The following ASAP1 variants were observed in gnomAD, a reference collection of about 807,000 sequenced individuals.
ASAP1 encodes ArfGAP with SH3 domain, ankyrin repeat and PH domain 1, also known as arf-GAP with SH3 domain, ANK repeat and PH domain-containing protein 1.
ASAP1 carries 43 observed loss-of-function variants against 145.2 expected under a neutral mutation model. The observed-to-expected ratio is 0.30, with a 90% CI of 0.23 to 0.38. The LOEUF (loss-of-function observed/expected upper bound fraction) is 0.38, where lower values mean the gene tolerates loss of function less well. Among genes scored for constraint, ASAP1 ranks in the 10% least tolerant of loss-of-function variants. ASAP1 has a pLI of 1.00. For synonymous variants in ASAP1, 546 were observed against 515.5 expected (o/e 1.06, Z -0.80); for missense variants, 1,018 against 1,355.3 (o/e 0.75, Z 3.91).
chr8:130,214,446 T>G (rs956258967), intron 5 of ASAP1, 110 bp downstream of exon 5: 1 of 1,119,512 alleles, frequency 8.9e-7, no homozygotes, highest in African/African-American at 1.6e-5. Context: ...TTTTTCTTTC[T>G]CACCCCTAGG....
At chr8:130,243,525 T>C (rs1232636647) in intron 3 of ASAP1, among the ~76,000 whole-genome samples, 1 of 152,150 alleles carries the variant, frequency 6.6e-6, no homozygotes, top group African/African-American at 2.4e-5. Context: ...CGCTACTGCC[T>C]GCAAGGCCCT....
At chr8:130,211,566 TAAC>T (rs1212372478) in intron 5 of ASAP1, among the ~76,000 whole-genome samples, 4 of 152,192 alleles carry the variant, frequency 2.6e-5, no homozygotes, top group African/African-American at 9.7e-5. Context: ...ATCGAACAAA[TAAC>T]AAATGTTTTT....
intron 15 of ASAP1, among the ~76,000 whole-genome samples, chr8:130,131,883 C>T (rs993162045): frequency 5.9e-5 from 9 of 152,146 alleles, no homozygotes; most frequent in South Asian, 2.1e-4. Flanking sequence ...TTAAGTCTCA[C>T]GGGCAGGACA....
rs551929420 is a variant in ASAP1, at chr8:130,054,252, C to A, written c.*479G>T. 6.3e-6 allele frequency: 1 copy of A among 158,092 alleles called. No homozygotes were observed. Among genetic ancestry groups the A allele is most frequent in the Non-Finnish European group, 1.4e-5 (1 of 70,980 alleles). 9.8% of individuals were successfully genotyped at this position (158,092 alleles called of 1,614,324 possible). ...TTTTTGTAGCTGTAAACTGTGTACA[C>A]AGATAACTACAGGCTGGTCTGTCAT... is the stretch of plus-strand genomic sequence containing the variant. On this transcript the variant is annotated 3_prime_UTR_variant, in exon 30 of 30. Transcript: ENST00000518721.
chr8:130,236,496 C>T (rs916273833), intron 4 of ASAP1, among the ~76,000 whole-genome samples: 1 of 152,000 alleles, frequency 6.6e-6, no homozygotes, highest in African/African-American at 2.4e-5. Flanking sequence ...TTTAACTTTG[C>T]CCCCTCCTCT....
At chr8:130,437,170 C>T (rs1392653253) in intron 1 of ASAP1, among the ~76,000 whole-genome samples, 1 of 150,936 alleles carries the variant, frequency 6.6e-6, no homozygotes, top group South Asian at 2.1e-4. Context: ...TGTGGTAACA[C>T]AGCTAAGCAG....
At chr8:130,372,241 T>A (rs1170118508) in intron 2 of ASAP1, among the ~76,000 whole-genome samples, 1 of 152,236 alleles carries the variant, frequency 6.6e-6, no homozygotes, top group African/African-American at 2.4e-5. Context: ...GAAGCAAATT[T>A]ATTTACACAA....
intron 2 of ASAP1, among the ~76,000 whole-genome samples, chr8:130,375,300 C>T (rs1827430715): frequency 6.6e-6 from 1 of 151,956 alleles, no homozygotes; most frequent in South Asian, 2.1e-4. Flanking sequence ...CAGGAATGGG[C>T]CATGGAGAGT....
chr8:130,061,557 T>G (rs2097419639), intron 27 of ASAP1, among the ~76,000 whole-genome samples: 1 of 152,214 alleles, frequency 6.6e-6, no homozygotes, highest in Non-Finnish European at 1.5e-5. Context: ...TCTATTCCAT[T>G]CTATAGCTGT....
At chr8:130,201,274 A>G (rs966025878) in intron 5 of ASAP1, among the ~76,000 whole-genome samples, 4 of 152,212 alleles carry the variant, frequency 2.6e-5, no homozygotes, top group Non-Finnish European at 4.4e-5. Context: ...ACAATGAAGA[A>G]CAGAGGTACT....
At chr8:130,267,139 CA>C (rs1820310778) in intron 3 of ASAP1, among the ~76,000 whole-genome samples, 2 of 141,492 alleles carry the variant, frequency 1.4e-5, no homozygotes, top group Non-Finnish European at 3.2e-5. Context: ...AAAAACAAAA[CA>C]AAAAACAAAA....
intron 5 of ASAP1, among the ~76,000 whole-genome samples, chr8:130,190,082 C>T (rs993375793): frequency 2.0e-5 from 3 of 152,098 alleles, no homozygotes; most frequent in Non-Finnish European, 4.4e-5. Flanking sequence ...ATATTTTCTC[C>T]TATTCTGTGG....
intron 4 of ASAP1, among the ~76,000 whole-genome samples, chr8:130,224,381 CTATT>C (rs1284166044): frequency 1.3e-5 from 2 of 152,080 alleles, no homozygotes; most frequent in African/African-American, 4.8e-5. Flanking sequence ...ATATTTAATT[CTATT>C]TGTTTTTAAA....
At chr8:130,117,488 C>T (rs1328762338) in intron 20 of ASAP1, among the ~76,000 whole-genome samples, 1 of 152,148 alleles carries the variant, frequency 6.6e-6, no homozygotes, top group Non-Finnish European at 1.5e-5. Context: ...ACCATTTTTC[C>T]TCTATGGGTT....
chr8:130,374,475 GGCCGGGCGCGGTGGCGCAC>G (rs1250122687), intron 2 of ASAP1, among the ~76,000 whole-genome samples: 1 of 152,240 alleles, frequency 6.6e-6, no homozygotes, highest in Non-Finnish European at 1.5e-5. Context: ...TTCAAGACTA[GGCCGGGCGCGGTGGCGCAC>G]GCCTGTAATC....
chr8:130,235,165 TTCTC>T (rs1292733228), intron 4 of ASAP1, among the ~76,000 whole-genome samples: 2 of 152,198 alleles, frequency 1.3e-5, no homozygotes, highest in African/African-American at 4.8e-5. Context: ...CTACTTGAGT[TTCTC>T]TCTTTTTCAA....
chr8:130,322,988 G>A (rs1350279987), intron 3 of ASAP1, among the ~76,000 whole-genome samples: 1 of 152,182 alleles, frequency 6.6e-6, no homozygotes, highest in African/African-American at 2.4e-5. Context: ...CTAGGCATTT[G>A]TGGAATCAAA....
chr8:130,189,903 G>A (rs1380673648), intron 5 of ASAP1, among the ~76,000 whole-genome samples: 1 of 152,170 alleles, frequency 6.6e-6, no homozygotes, highest in Non-Finnish European at 1.5e-5. Context: ...CTGATGATTA[G>A]TGATGTTGAG....
intron 24 of ASAP1, among the ~76,000 whole-genome samples, chr8:130,111,548 T>A (rs1169962161): frequency 2.0e-5 from 3 of 152,216 alleles, no homozygotes; most frequent in Admixed American, 1.3e-4. Flanking sequence ...TACCTCATTT[T>A]GAGATGATTA....
Sources: gnomAD v4.1 joint callset for allele counts (sites outside exome capture counted in the v4.1 genomes callset) on GRCh38, gnomAD v4.1.1 for gene constraint, MANE v1.5 for transcripts, NCBI Gene and HGNC (gene_info 2026-07-23, HGNC 2026-07-21) for gene names.